Variants in KIF5A observed in about 807,000 individuals in gnomAD.
KIF5A encodes the protein kinesin heavy chain isoform 5A.
In KIF5A, 35 loss-of-function variants were observed where a neutral mutation model predicts 141.3. The ratio of observed to expected loss-of-function variants is 0.25; its 90% CI spans 0.19 to 0.33. The LOEUF (loss-of-function observed/expected upper bound fraction) is 0.33, where lower values mean the gene tolerates loss of function less well. Among genes scored for constraint, KIF5A ranks in the 10% least tolerant of loss-of-function variants. The pLI is 1.00. For synonymous variants in KIF5A, 448 were observed against 500.2 expected, an observed-to-expected ratio of 0.90 and a Z score of 1.39; for missense variants, 861 against 1,314.3, an observed-to-expected ratio of 0.66 and a Z score of 5.33.
At chr12:57,554,940 C>G (rs1441252242) in intron 1 of KIF5A, among the ~76,000 whole-genome samples, 1 of 152,224 alleles carries the variant, frequency 6.6e-6, no homozygotes, top group Non-Finnish European at 1.5e-5. Flanking sequence ...CCACCTCCAA[C>G]AATGGGGATC....
intron 15 of KIF5A, among the ~76,000 whole-genome samples, chr12:57,574,740 T>C (rs964729353): frequency 1.3e-5 from 2 of 151,510 alleles, no homozygotes; most frequent in African/African-American, 4.9e-5. Context: ...GCCATGATGC[T>C]TGGCTAATTT....
intron 11 of KIF5A, 117 bp downstream of exon 11, chr12:57,569,800 T>A: frequency 6.7e-7 from 1 of 1,499,824 alleles, no homozygotes; most frequent in Non-Finnish European, 9.0e-7. Context: ...AGGGGCTGTG[T>A]TTCTGGACAG....
intron 4 of KIF5A, 67 bp from the exon 5 acceptor site, chr12:57,564,393 T>C (rs1882000928): frequency 1.6e-6 from 2 of 1,241,226 alleles, no homozygotes; most frequent in Non-Finnish European, 2.4e-6. Flanking sequence ...CACATTAGTA[T>C]GGGATTCCTG....
At chr12:57,568,529 C>G (rs1258030237) in intron 8 of KIF5A, among the ~76,000 whole-genome samples, 1 of 152,058 alleles carries the variant, frequency 6.6e-6, no homozygotes, top group Non-Finnish European at 1.5e-5. Flanking sequence ...AGTTCGAGAC[C>G]AGCCTGGCCA....
chr12:57,577,406 G>A (rs1481535512), intron 20 of KIF5A, among the ~76,000 whole-genome samples: 1 of 152,056 alleles, frequency 6.6e-6, no homozygotes, highest in Non-Finnish European at 1.5e-5. Context: ...ACCAGCCTGG[G>A]CAACATGGCA....
chr12:57,569,828 T>TG, intron 11 of KIF5A, 145 bp downstream of exon 11: 1 of 1,408,390 alleles, frequency 7.1e-7, no homozygotes, highest in South Asian at 1.4e-5. Flanking sequence ...AGAGCAGTCA[T>TG]GGGGGAAGGG....
At position 57,575,197 on chromosome 12, in the gene KIF5A, C is replaced by T; in HGVS notation, c.1830C>T (p.Asn610=). The T allele has an allele frequency of 6.2e-7, 1 of 1,613,898 alleles. No homozygotes were observed. Among genetic ancestry groups the T allele is most frequent in the Non-Finnish European group, 8.5e-7 (1 of 1,179,936 alleles). Residue 610 remains asparagine (N), a synonymous_variant, in exon 16 of 29, where the codon AAC becomes AAT. Coordinates refer to ENST00000455537, the MANE Select transcript of KIF5A (RefSeq NM_004984.4). ...SVVKRCRQLE[N]LQVECHRKME... ...TCAAGCGGTGCCGGCAGCTGGAGAA[C>T]CTCCAGGTGGAGTGTCACCGCAAGA...
rs779229366 is a variant in KIF5A at position 57,567,477 on chromosome 12, C to A, written c.590-17C>A. On this transcript the variant is annotated splice_polypyrimidine_tract_variant and intron_variant, in intron 7 of 28. Coordinates refer to ENST00000455537, the MANE Select transcript of KIF5A (RefSeq NM_004984.4). Reference sequence around the variant, plus strand: ...CTGCAGGGTGGTGCAGGTCCTGTTTCTCCCTTGCTCCTGCAGACATGAATG... The same window carrying A: ...CTGCAGGGTGGTGCAGGTCCTGTTTATCCCTTGCTCCTGCAGACATGAATG... 6.2e-7 allele frequency: 1 copy of A among 1,612,530 alleles called. No individual in the cohort carries two copies.
intron 17 of KIF5A, 61 bp downstream of exon 17, chr12:57,575,818 T>G: frequency 3.4e-6 from 4 of 1,192,610 alleles, no homozygotes; most frequent in Non-Finnish European, 5.0e-6. Context: ...AACATCAAAA[T>G]AAATCACCCC....
rs1594923747 is a variant in KIF5A, at chr12:57,577,710, C to T, written c.2301-3C>T. Reference sequence around the variant, plus strand: ...TCCATTTCCCTTATTTCTCTTGCTACAGATTTCTGTACGAGCGACATGAGC... The same window carrying T: ...TCCATTTCCCTTATTTCTCTTGCTATAGATTTCTGTACGAGCGACATGAGC... On this transcript the variant is annotated splice_region_variant and splice_polypyrimidine_tract_variant and intron_variant, in intron 20 of 28. Coordinates refer to ENST00000455537, the MANE Select transcript of KIF5A (RefSeq NM_004984.4). 2 of 1,613,166 alleles carry T rather than the reference C, an allele frequency of 1.2e-6. No homozygotes were observed. The highest frequency in any genetic ancestry group is 1.1e-5 in the South Asian group (1 of 91,066).
chr12:57,556,140 G>T (rs1191408278), intron 1 of KIF5A, among the ~76,000 whole-genome samples: 6 of 123,858 alleles, frequency 4.8e-5, no homozygotes, highest in African/African-American at 1.3e-4. Context: ...TAGCTCTTGG[G>T]TATCTTTTTT....
intron 1 of KIF5A, among the ~76,000 whole-genome samples, chr12:57,555,628 T>G (rs931764818): frequency 6.7e-6 from 1 of 149,988 alleles, no homozygotes; most frequent in Non-Finnish European, 1.5e-5. Context: ...AAAAACAAAT[T>G]GGCTGGGCAC....
intron 13 of KIF5A, 137 bp from the exon 14 acceptor site, chr12:57,571,924 A>T: frequency 1.3e-6 from 1 of 746,914 alleles, no homozygotes; most frequent in Non-Finnish European, 2.3e-6. Flanking sequence ...CTGTTGCCCT[A>T]TTTCTATGAA....
At position 57,550,158 on chromosome 12, in the gene KIF5A, C is replaced by T. The variant is rs568451181; in HGVS notation, c.-114C>T. ...TCGCCCGGGCGCCCTCAACTCTGTC[C>T]CCAGAGACTGAGCACCTGTCCTCCG... is the stretch of plus-strand genomic sequence containing the variant. On this transcript the variant is annotated 5_prime_UTR_variant, in exon 1 of 29. Transcript: ENST00000455537. The surrounding 1 kb of genome is among the most constrained non-coding windows in gnomAD (Gnocchi z 4.6). 6.1e-6 allele frequency: 9 copies of T among 1,477,608 alleles called. No homozygotes were observed. In the Admixed American group the frequency reaches 6.7e-5, roughly 11 times the overall value. The allele number at this position is 1,477,608 out of a possible 1,614,324, so 91.5% of individuals were successfully genotyped here. A position where few individuals can be genotyped will look rare whatever the true frequency, so the allele number is the denominator to read the frequency against.
chr12:57,577,960 G>C (rs558754234), intron 21 of KIF5A, 49 bp from the exon 22 acceptor site: 1 of 1,471,062 alleles, frequency 6.8e-7, no homozygotes, highest in Non-Finnish European at 9.5e-7. Flanking sequence ...TGGAGGAATA[G>C]GACAGACCTG....
chr12:57,560,866 A>C (rs763051197), intron 1 of KIF5A, among the ~76,000 whole-genome samples: 19 of 151,900 alleles, frequency 1.3e-4, no homozygotes, highest in Non-Finnish European at 1.9e-4. Flanking sequence ...AGGCAGATAT[A>C]GTGGTATGTG....
At position 57,575,738 on chromosome 12, in the gene KIF5A, G is replaced by A. The variant is rs778038642; in HGVS notation, c.2004G>A (p.Leu668=). The change falls in exon 17 of 29, where the codon CTG becomes CTA. Residue 668 remains leucine (L), a synonymous_variant. Transcript: ENST00000455537. Reference sequence around the variant, plus strand: ...CCTATGACTCCTTGAGCGATGAGCTGGCCAAGCTCCAGGCCCAGGGTGAGG... The same window carrying A: ...CCTATGACTCCTTGAGCGATGAGCTAGCCAAGCTCCAGGCCCAGGGTGAGG... ...EESYDSLSDE[L]AKLQAQETVH... The A allele has an allele frequency of 9.4e-5, 151 of 1,613,536 alleles. No individual in the cohort carries two copies. The highest frequency in any genetic ancestry group is 1.3e-4 in the Non-Finnish European group (149 of 1,179,528).
intron 8 of KIF5A, 52 bp from the exon 9 acceptor site, chr12:57,568,911 C>T (rs1882154877): frequency 3.2e-6 from 4 of 1,243,528 alleles, no homozygotes; most frequent in Non-Finnish European, 3.5e-6. Flanking sequence ...GTGGTGACAG[C>T]CCTCTCCATG....
chr12:57,583,751 C>T (rs539383412), intron 28 of KIF5A, among the ~76,000 whole-genome samples: 2 of 152,196 alleles, frequency 1.3e-5, no homozygotes, highest in Non-Finnish European at 1.5e-5. Flanking sequence ...AATCAGTCAG[C>T]GCTCCCCTCC....
Sources: allele counts gnomAD v4.1 joint callset (sites outside exome capture counted in the v4.1 genomes callset), GRCh38; gene constraint gnomAD v4.1.1; non-coding constraint Gnocchi (gnomAD v3.1); transcripts MANE v1.5; gene names NCBI Gene and HGNC (gene_info 2026-07-23, HGNC 2026-07-21).